MDN1: variants seen among roughly 807,000 people sequenced by gnomAD.
MDN1 encodes the protein midasin AAA ATPase 1, also known as midasin.
Under a neutral mutation model 669.2 loss-of-function variants are expected in MDN1, and 266 were observed. The ratio of observed to expected loss-of-function variants is 0.40; its 90% CI spans 0.36 to 0.44. The LOEUF is 0.44. Among genes scored for constraint, MDN1 ranks in the 20% least tolerant of loss-of-function variants. MDN1 has a pLI of 1.00. For synonymous variants in MDN1, 2,385 were observed against 2,457.1 expected (o/e 0.97, Z 0.87); for missense variants, 5,940 against 6,754.0 (o/e 0.88, Z 4.22).
chr6:89,689,515 A>G (rs1812238844), intron 65 of MDN1, among the ~76,000 whole-genome samples: 2 of 152,246 alleles, frequency 1.3e-5, no homozygotes, highest in South Asian at 4.1e-4. Flanking sequence ...ATTTCATTTC[A>G]AAAGCACTAA....
intron 48 of MDN1, 75 bp downstream of exon 48, chr6:89,712,500 T>C (rs1202628855): frequency 7.0e-7 from 1 of 1,421,416 alleles, no homozygotes; most frequent in Non-Finnish European, 9.9e-7. Flanking sequence ...GTTAAATATA[T>C]TGTGTCCTGA....
In MDN1 at chr6:89,790,212, T is replaced by C; in HGVS notation, c.1045A>G (p.Thr349Ala). The change falls in exon 6 of 102, where the codon ACA becomes GCA. Residue 349 changes from threonine (T) to alanine (A), a missense_variant. Physicochemically the swap from Thr to Ala is moderately conservative, Grantham distance 58 (BLOSUM62 0). This residue lies in a region of MDN1 where 1,203 missense variants were observed against 1,268.9 expected (regional missense o/e 0.95). Coordinates refer to ENST00000369393, the MANE Select transcript of MDN1 (RefSeq NM_014611.3). Reference protein sequence around the residue: ...VEYLAAVTGRTKPPQLLKVQL... With the variant: ...VEYLAAVTGRAKPPQLLKVQL... ...ACTTTGAGAAGCTGAGGAGGCTTTG[T>C]TCTACCTGTCACTGCAGCTAAATAT... 2 of 1,614,202 alleles carry C rather than the reference T, an allele frequency of 1.2e-6. No homozygotes were observed. Among genetic ancestry groups the C allele is most frequent in the Admixed American group, 1.7e-5 (1 of 60,018 alleles).
chr6:89,800,106 A>G (rs1300459223), intron 2 of MDN1, among the ~76,000 whole-genome samples: 1 of 152,110 alleles, frequency 6.6e-6, no homozygotes, highest in Non-Finnish European at 1.5e-5. Context: ...ATGTCTTCCT[A>G]ATGAAATATC....
At chr6:89,739,974 T>C (rs780648722) in intron 32 of MDN1, among the ~76,000 whole-genome samples, 6 of 152,198 alleles carry the variant, frequency 3.9e-5, no homozygotes, top group Non-Finnish European at 7.3e-5. Context: ...CAGGGTAACA[T>C]ATGTAAAGGG....
chr6:89,684,830 C>A, intron 71 of MDN1, 46 bp downstream of exon 71: 4 of 1,241,840 alleles, frequency 3.2e-6, no homozygotes, highest in Non-Finnish European at 4.7e-6. Flanking sequence ...AGAGAATTTG[C>A]TGATTTTGTC....
At chr6:89,698,779 T>C in intron 59 of MDN1, 86 bp downstream of exon 59, 1 of 1,384,648 alleles carries the variant, frequency 7.2e-7, no homozygotes, top group Non-Finnish European at 1.0e-6. Flanking sequence ...CACCACTCTA[T>C]GCTAGGAATA....
intron 43 of MDN1, 95 bp downstream of exon 43, chr6:89,718,271 T>A: frequency 7.5e-7 from 1 of 1,331,256 alleles, no homozygotes; most frequent in Non-Finnish European, 1.0e-6. Context: ...TAATAATTAC[T>A]AAATTAATAC....
In MDN1 at chr6:89,709,335, A is replaced by C. The variant is rs543693363; in HGVS notation, c.7766-707T>G. ...AGACTACCCAGGACATACTGTGAAC[A>C]GCAGGTACATTAAGGAGGGAACCCA... On this transcript the variant is annotated intron_variant, in intron 50 of 101. Coordinates refer to ENST00000369393, the MANE Select transcript of MDN1 (RefSeq NM_014611.3). Among the ~76,000 whole-genome samples, 16 of 152,388 alleles carry C rather than the reference A, an allele frequency of 1.0e-4. No individual in the cohort carries two copies. In the East Asian group the frequency reaches 2.1e-3, roughly 20 times the overall value.
At chr6:89,790,938 AC>A (rs1375302021) in intron 5 of MDN1, among the ~76,000 whole-genome samples, 1 of 152,104 alleles carries the variant, frequency 6.6e-6, no homozygotes, top group Non-Finnish European at 1.5e-5. Flanking sequence ...CTGAAGAATC[AC>A]TTGAACCCAG....
At chr6:89,704,265 T>C (rs1307991049) in intron 53 of MDN1, among the ~76,000 whole-genome samples, 2 of 151,980 alleles carry the variant, frequency 1.3e-5, no homozygotes, top group South Asian at 2.1e-4. Flanking sequence ...CCTGTAGTCC[T>C]GGCTACTCAG....
chr6:89,697,722 A>C (rs375632967), intron 59 of MDN1, among the ~76,000 whole-genome samples: 1 of 151,728 alleles, frequency 6.6e-6, no homozygotes, highest in Non-Finnish European at 1.5e-5. Flanking sequence ...GCTGGGATTC[A>C]GGCGCACACC....
In MDN1 at chr6:89,718,982, G is replaced by A. The variant is rs759549014; in HGVS notation, c.6106C>T (p.Arg2036Cys). Residue 2036 changes from arginine (R) to cysteine (C), a missense_variant, in exon 42 of 102, where the codon CGC becomes TGC. By Grantham distance (180) the Arg-to-Cys change is radical. Transcript: ENST00000369393. The part of the protein sequence containing the change: ...SRGSCVPHPS[R>C]HPLLLLHQSF... The stretch of plus-strand genomic sequence containing the variant: ...TGGTGCAGGAGCAACAGGGGATGGC[G>A]GGACGGGTGAGGAACACAGCTCCCA... The A allele has an allele frequency of 6.8e-6, 11 of 1,614,052 alleles. No homozygotes were observed. Among genetic ancestry groups the A allele is most frequent in the South Asian group, 5.5e-5 (5 of 91,082 alleles).
intron 51 of MDN1, among the ~76,000 whole-genome samples, chr6:89,707,949 T>C (rs1396612628): frequency 2.0e-5 from 3 of 152,112 alleles, no homozygotes; most frequent in African/African-American, 7.2e-5. Flanking sequence ...ACAGAGAGAT[T>C]GCTGAGGAAG....
intron 8 of MDN1, among the ~76,000 whole-genome samples, chr6:89,787,130 G>C (rs1019820171): frequency 1.3e-5 from 2 of 151,326 alleles, no homozygotes; most frequent in South Asian, 2.1e-4. Flanking sequence ...GAATACTATC[G>C]GGTTAGCTCC....
chr6:89,668,872 T>G (rs967154242), intron 83 of MDN1, among the ~76,000 whole-genome samples: 8 of 152,188 alleles, frequency 5.3e-5, no homozygotes, highest in African/African-American at 1.9e-4. Context: ...AGAAAAGATA[T>G]GAATACAATT....
At chr6:89,806,138 A>G (rs1342743232) in intron 1 of MDN1, among the ~76,000 whole-genome samples, 1 of 152,004 alleles carries the variant, frequency 6.6e-6, no homozygotes, top group South Asian at 2.1e-4. Flanking sequence ...GGGTCTCACT[A>G]TGTTGCCCAG....
chr6:89,819,577 C>G lies in MDN1; in HGVS notation c.31G>C (p.Ala11Pro). The change falls in exon 1 of 102, where the codon GCG becomes CCG. Residue 11 changes from alanine (A) to proline (P), a missense_variant. By Grantham distance (27) the Ala-to-Pro change is conservative (BLOSUM62 -1). Transcript: ENST00000369393. Reference sequence around the variant, plus strand: ...TTGGCTGCGATTAACCGCAGCGGCGCGGCTGCCACCTCCAGCAAGAAGTGC... The same window carrying G: ...TTGGCTGCGATTAACCGCAGCGGCGGGGCTGCCACCTCCAGCAAGAAGTGC... Reference protein sequence around the residue: MEHFLLEVAAAPLRLIAAKNE... With the variant: MEHFLLEVAAPPLRLIAAKNE... 1.9e-6 allele frequency: 3 copies of G among 1,602,864 alleles called. No individual in the cohort carries two copies. Among genetic ancestry groups the G allele is most frequent in the Non-Finnish European group, 2.5e-6 (3 of 1,179,956 alleles).
At chr6:89,739,561 T>A (rs1816176665) in intron 32 of MDN1, among the ~76,000 whole-genome samples, 1 of 152,214 alleles carries the variant, frequency 6.6e-6, no homozygotes, top group South Asian at 2.1e-4. Context: ...ATCCCTGACC[T>A]GTTACATCAC....
intron 15 of MDN1, among the ~76,000 whole-genome samples, chr6:89,769,379 A>G (rs769244743): frequency 5.3e-5 from 8 of 152,236 alleles, no homozygotes; most frequent in Non-Finnish European, 7.3e-5. Context: ...ACAGAAAACA[A>G]GGCACATTTC....
Sources: allele counts gnomAD v4.1 joint callset (sites outside exome capture counted in the v4.1 genomes callset), GRCh38; gene constraint gnomAD v4.1.1; regional missense constraint gnomAD v4.1.1; transcripts MANE v1.5; gene names NCBI Gene and HGNC (gene_info 2026-07-23, HGNC 2026-07-21).